The following SMTN variants were observed in gnomAD, a reference collection of about 807,000 sequenced individuals.
SMTN encodes smoothelin.
A neutral mutation model predicts 102.0 loss-of-function variants in SMTN; 58 were observed. That is an observed-to-expected ratio of 0.57 (90% CI 0.46 to 0.71). SMTN has a LOEUF of 0.71. Among genes scored for constraint, SMTN ranks in the 30% least tolerant of loss-of-function variants. The pLI is 0.00. For synonymous variants in SMTN, 478 were observed against 497.9 expected, an observed-to-expected ratio of 0.96 and a Z score of 0.53; for missense variants, 1,185 against 1,241.7, an observed-to-expected ratio of 0.95 and a Z score of 0.69.
At position 31,073,009 on chromosome 22, in the gene SMTN, CTCTT is replaced by C. The variant is rs1472548191; in HGVS notation, c.-385-7439_-385-7436del. Among the ~76,000 whole-genome samples the C allele has an allele frequency of 1.5e-4, 14 of 93,736 alleles. No individual in the cohort carries two copies. In the East Asian group the frequency reaches 3.2e-3, roughly 21 times the overall value. 61.5% of individuals were successfully genotyped at this position (93,736 alleles called of 152,430 possible). A position where few individuals can be genotyped will look rare whatever the true frequency, so the allele number is the denominator to read the frequency against. On this transcript the variant is annotated intron_variant, in intron 1 of 3. Coordinates refer to the SMTN transcript ENST00000422839. ...GTGCTGAAGTTGATTCTCTCTCTCT[CTCTT>C]TTTTTTTTTTTTTTTTTTTGAGACA...
Position 31,100,937 on chromosome 22 carries a change from C to G in SMTN, c.2656C>G (p.Arg886Gly). The part of the protein sequence containing the change: ...LLDTEDMVRL[R>G]EPDWKCVYTY... Reference sequence around the variant, plus strand: ...GGATACAGAGGACATGGTGCGGCTTCGAGAGCCTGACTGGAAGTGCGTGTA... The same window carrying G: ...GGATACAGAGGACATGGTGCGGCTTGGAGAGCCTGACTGGAAGTGCGTGTA... Residue 886 changes from arginine to glycine, a missense_variant, in exon 20 of 21, where the codon CGA (arginine) becomes GGA (glycine). Transcript: ENST00000333137. The G allele has an allele frequency of 1.2e-6, 2 of 1,605,446 alleles. No homozygotes were observed. The highest frequency in any genetic ancestry group is 1.1e-5 in the South Asian group (1 of 90,658).
At chr22:31,081,010 G>A (rs2042268433), upstream of SMTN, among the ~76,000 whole-genome samples, 1 of 99,250 alleles carries the variant, frequency 1.0e-5, no homozygotes, top group Non-Finnish European at 1.8e-5. Context: ...TGAAGGCTCT[G>A]AGACTCCTAC....
rs1387701353 is a variant in SMTN, at chr22:31,091,790, T to C, written c.1575T>C (p.Thr525=). The part of the protein sequence containing the change: ...PGTLARLGSV[T]HVTSFSHAPP... ...CCCTGGCTCGGCTGGGCAGTGTCAC[T>C]CATGTCACCAGCTTCAGCCATGCCC... Residue 525 remains threonine, a synonymous_variant, in exon 11 of 21, where the codon ACT becomes ACC. Coordinates refer to ENST00000333137, the MANE Select transcript of SMTN (RefSeq NM_134269.3). The C allele has an allele frequency of 6.2e-7, 1 of 1,608,758 alleles. No homozygotes were observed. The highest frequency in any genetic ancestry group is 8.5e-7 in the Non-Finnish European group (1 of 1,177,578).
chr22:31,076,799 G>C (rs1380674893), upstream of SMTN, among the ~76,000 whole-genome samples: 2 of 152,158 alleles, frequency 1.3e-5, no homozygotes, highest in Admixed American at 6.5e-5. Flanking sequence ...GCTATGTTCA[G>C]AAGTAGAGAG....
Position 31,090,967 on chromosome 22 carries a change from C to G in SMTN, c.944C>G (p.Thr315Ser). 1 of 1,612,744 alleles carries G rather than the reference C, an allele frequency of 6.2e-7. No homozygotes were observed. The highest frequency in any genetic ancestry group is 1.1e-5 in the South Asian group (1 of 90,970). Residue 315 changes from threonine to serine, a missense_variant, in exon 10 of 21, where the codon ACC becomes AGC. Physicochemically the swap from Thr to Ser is moderately conservative, Grantham distance 58. Coordinates refer to ENST00000333137, the MANE Select transcript of SMTN (RefSeq NM_134269.3). The part of the protein sequence containing the change: ...PRQPAQNRES[T>S]PLASGPSSFQ... ...GCCCTCCTGTTCCTTCTAGAGTCCA[C>G]CCCCCTTGCCAGCGGACCTTCCTCA...
Position 31,099,894 on chromosome 22 carries a change from G to A in SMTN, c.2601G>A (p.Ala867=), listed in dbSNP as rs368952977. The A allele has an allele frequency of 8.1e-5, 131 of 1,613,860 alleles. No homozygotes were observed. The African/African-American group carries it at 1.2e-3, about 15-fold the overall frequency. The change falls in exon 19 of 21, where the codon GCG becomes GCA. Residue 867 remains alanine (A), a splice_region_variant and synonymous_variant. Transcript: ENST00000333137. The part of the protein sequence containing the change: ...RQNFEVAFSS[A]ETHADCPQLL... Reference sequence around the variant, plus strand: ...ACTTCGAGGTGGCCTTCTCATCTGCGGAGTAAGTGTGGGCCCTGGCCCTGC... The same window carrying A: ...ACTTCGAGGTGGCCTTCTCATCTGCAGAGTAAGTGTGGGCCCTGGCCCTGC...
intron 19 of SMTN, 137 bp from the exon 20 acceptor site, chr22:31,100,748 C>G (rs773596690): frequency 8.2e-5 from 48 of 584,500 alleles, no homozygotes; most frequent in South Asian, 1.4e-4. Context: ...ACTCATGTCT[C>G]TGTGTGTGTG....
In SMTN at chr22:31,091,173, C is replaced by G. The variant is rs139187830; in HGVS notation, c.1150C>G (p.Arg384Gly). 5 of 1,613,530 alleles carry G rather than the reference C, an allele frequency of 3.1e-6. No individual in the cohort carries two copies. Among genetic ancestry groups the G allele is most frequent in the Admixed American group, 3.3e-5 (2 of 59,980 alleles). Residue 384 changes from arginine to glycine, a missense_variant, in exon 10 of 21, where the codon CGG (arginine) becomes GGG (glycine). Arg to Gly is a moderately radical substitution (Grantham distance 125, BLOSUM62 -2). This residue lies in a region of SMTN where 1,096 missense variants were observed against 1,112.7 expected (regional missense o/e 0.98). Transcript: ENST00000333137. ...CTCCTCCTCCAGCGGCTCCTCCTCT[C>G]GGGGCCCCAGTGATACCTCCTCCCG... ...PASSSSGSSS[R>G]GPSDTSSRFS...
intron 1 of SMTN, among the ~76,000 whole-genome samples, chr22:31,071,399 G>A (rs145949803): frequency 0.01 from 1,555 of 152,208 alleles, 31 homozygotes; most frequent in African/African-American, 0.036. Flanking sequence ...TCGGGAGGCT[G>A]AGGCAGGAGG....
chr22:31,102,271 A>G (rs1447358934), intron 20 of SMTN: 1 of 152,172 alleles, frequency 6.6e-6, no homozygotes, highest in Non-Finnish European at 1.5e-5. Flanking sequence ...GGGAGAGGGA[A>G]GATGGTTAGG....
chr22:31,088,522 G>A lies in SMTN; in HGVS notation c.210G>A (p.Gln70=). The A allele has an allele frequency of 6.2e-7, 1 of 1,613,664 alleles. No individual in the cohort carries two copies. The highest frequency in any genetic ancestry group is 8.5e-7 in the Non-Finnish European group (1 of 1,179,776). ...CATGATGTCTCTGCAGCTCTCAGCA[G>A]CGGGAAGCTGAGCAGCGGGCTGCCC... ...DNKENWLHSQ[Q]REAEQRAALA... The change falls in exon 4 of 21, where the codon CAG becomes CAA. Residue 70 remains glutamine (Q), a synonymous_variant. Coordinates refer to ENST00000333137, the MANE Select transcript of SMTN (RefSeq NM_134269.3).
At position 31,097,319 on chromosome 22, in the gene SMTN, T is replaced by G; in HGVS notation, c.2140T>G (p.Ser714Ala). 3.7e-6 allele frequency: 6 copies of G among 1,614,038 alleles called. No homozygotes were observed. The highest frequency in any genetic ancestry group is 5.1e-6 in the Non-Finnish European group (6 of 1,179,970). The change falls in exon 16 of 21, where the codon TCA becomes GCA. Residue 714 changes from serine to alanine, a missense_variant. By Grantham distance (99) the Ser-to-Ala change is moderately conservative. This residue lies in a region of SMTN where 1,096 missense variants were observed against 1,112.7 expected (regional missense o/e 0.98). Coordinates refer to ENST00000333137, the MANE Select transcript of SMTN (RefSeq NM_134269.3). ...AACCAAGACCTTCTCCTCTTCCTCC[T>G]CATCCAAGAAGATGGGCAGGTGAGC... ...MQTKTFSSSS[S>A]SKKMGSIFDR...
Position 31,103,900 on chromosome 22 carries a change from T to C in SMTN, c.*21-416T>C, listed in dbSNP as rs114026150. ...AGTGAGACCTATCCATAGATAAAGA[T>C]TGGCCAGTGATGAAGCCCATCTGGG... On this transcript the variant is annotated intron_variant, in intron 20 of 20. Coordinates refer to ENST00000333137, the MANE Select transcript of SMTN (RefSeq NM_134269.3). The C allele has an allele frequency of 6.0e-3, 1,136 of 188,516 alleles. 15 individuals carry two copies. Among genetic ancestry groups the C allele is most frequent in the African/African-American group, 0.025 (1,082 of 43,394 alleles). The allele number at this position is 188,516 out of a possible 1,614,324, so 11.7% of individuals were successfully genotyped here. A position where few individuals can be genotyped will look rare whatever the true frequency, so the allele number is the denominator to read the frequency against.
At position 31,095,313 on chromosome 22, in the gene SMTN, A is replaced by T. The variant is rs141095057; in HGVS notation, c.1643A>T (p.Glu548Val). 4.8e-5 allele frequency: 77 copies of T among 1,613,718 alleles called. No individual in the cohort carries two copies. Among genetic ancestry groups the T allele is most frequent in the Non-Finnish European group, 6.4e-5 (75 of 1,180,012 alleles). ...CTCCCCACCCTGCAGATGGAAGCAG[A>T]GCCAGCAGAGCCTCTCGCTGCAGCA... ...RGGCSIKMEAEPAEPLAAAVE... is the reference protein window; with the variant it reads ...RGGCSIKMEAVPAEPLAAAVE... Residue 548 changes from glutamate (E) to valine (V), a missense_variant, in exon 12 of 21, where the codon GAG becomes GTG. Around this residue, in one of 2 missense-constraint regions of SMTN, gnomAD observed 1,096 missense variants for 1,112.7 expected, o/e 0.98. Coordinates refer to ENST00000333137, the MANE Select transcript of SMTN (RefSeq NM_134269.3). This position sits in a 1 kb window ranked among gnomAD's most constrained non-coding sequence, Gnocchi z 4.1.
At chr22:31,089,218 C>T (rs916405129) in intron 6 of SMTN, among the ~76,000 whole-genome samples, 1 of 152,222 alleles carries the variant, frequency 6.6e-6, no homozygotes, top group Non-Finnish European at 1.5e-5. Flanking sequence ...GCTTATGGGG[C>T]CTGCATGTCA....
chr22:31,103,488 T>G (rs1418744466), intron 20 of SMTN: 1 of 152,240 alleles, frequency 6.6e-6, no homozygotes, highest in Non-Finnish European at 1.5e-5. Context: ...CACCCAGAAC[T>G]GGGGGCCTGG....
chr22:31,078,342 G>C (rs114060024), upstream of SMTN, among the ~76,000 whole-genome samples: 1,843 of 152,316 alleles, frequency 0.012, 43 homozygotes, highest in African/African-American at 0.042. Flanking sequence ...TCAGACTTGA[G>C]CTCTGGAGCA....
At chr22:31,093,115 A>G (rs575414321) in intron 11 of SMTN, among the ~76,000 whole-genome samples, 124 of 152,344 alleles carry the variant, frequency 8.1e-4, no homozygotes, top group Non-Finnish European at 1.4e-3. Flanking sequence ...CCTGTGAGGC[A>G]TGGGGCCCCG....
chr22:31,072,847 C>T (rs2042035668), intron 1 of SMTN, among the ~76,000 whole-genome samples: 2 of 152,052 alleles, frequency 1.3e-5, no homozygotes, highest in Non-Finnish European at 2.9e-5. Context: ...CAGCCTCAAC[C>T]TCCTAGGCTC....
Sources: gnomAD v4.1 joint callset for allele counts (sites outside exome capture counted in the v4.1 genomes callset) on GRCh38, gnomAD v4.1.1 for gene constraint, gnomAD v4.1.1 regional missense constraint, Gnocchi (gnomAD v3.1) non-coding constraint, MANE v1.5 for transcripts, NCBI Gene and HGNC (gene_info 2026-07-23, HGNC 2026-07-21) for gene names.